Variants in LAD1 observed in about 807,000 individuals in gnomAD.
The protein encoded by LAD1 is ladinin 1.
A neutral mutation model predicts 54.2 loss-of-function variants in LAD1; 53 were observed. The ratio of observed to expected loss-of-function variants is 0.98; its 90% confidence interval spans 0.78 to 1.23. The LOEUF (loss-of-function observed/expected upper bound fraction) is 1.23. LAD1 is among the 50% of genes most tolerant of loss of function. LAD1 has a pLI of 0.00. For synonymous variants in LAD1, 231 were observed against 257.7 expected, an observed-to-expected ratio of 0.90 and a Z score of 0.99; for missense variants, 637 against 653.3, an observed-to-expected ratio of 0.98 and a Z score of 0.27.
At chr1:201,383,817 C>G (rs1662021233) in intron 5 of LAD1, among the ~76,000 whole-genome samples, 1 of 152,166 alleles carries the variant, frequency 6.6e-6, no homozygotes, top group South Asian at 2.1e-4. Context: ...ATACAAGGCT[C>G]TAGTGATCTG....
Position 201,382,282 on chromosome 1 carries a change from TC to T in LAD1, c.1517del (p.Gly506AspfsTer156), listed in dbSNP as rs1317035874. ...ASSATERTQW[G>X]QKSDSSLDAE... ...CGTCCAGCGAGGAGTCAGATTTCTG[TC>T]CCCACTGAGTCCTCTCGGTTGCAGA... On this transcript the variant is annotated frameshift_variant, in exon 9 of 10. Coordinates refer to ENST00000391967, the MANE Select transcript of LAD1 (RefSeq NM_005558.4). LOFTEE classifies it high-confidence loss of function. The T allele has an allele frequency of 6.2e-7, 1 of 1,613,626 alleles. No homozygotes were observed. The highest frequency in any genetic ancestry group is 1.1e-5 in the South Asian group (1 of 91,014).
chr1:201,394,256 G>C (rs932671127), intron 1 of LAD1, among the ~76,000 whole-genome samples: 3 of 152,166 alleles, frequency 2.0e-5, no homozygotes, highest in Admixed American at 6.5e-5. Context: ...CGCACAAAGG[G>C]GGAACAAAGC....
chr1:201,382,208 C>T lies in LAD1; in HGVS notation c.1548+44G>A, dbSNP rs199943144. ...GGACGATGGGGTCTCCCACAGTACA[C>T]CGTGGCCCTCCGCCGTAGGGCCAGG... On this transcript the variant is annotated intron_variant, in intron 9 of 9. Transcript: ENST00000391967. The T allele has an allele frequency of 1.5e-3, 2,270 of 1,499,596 alleles. 2 individuals are homozygous for T. Among genetic ancestry groups the T allele is most frequent in the Non-Finnish European group, 1.9e-3 (2,069 of 1,077,048 alleles). The allele number at this position is 1,499,596 out of a possible 1,614,324, so 92.9% of individuals were successfully genotyped here.
intron 1 of LAD1, among the ~76,000 whole-genome samples, chr1:201,396,079 G>A (rs755327787): frequency 2.6e-5 from 4 of 152,166 alleles, no homozygotes; most frequent in Non-Finnish European, 4.4e-5. Flanking sequence ...GGGAAACCCC[G>A]TGGCCCATGC....
chr1:201,391,269 C>T, intron 1 of LAD1: 1 of 404,226 alleles, frequency 2.5e-6, no homozygotes, highest in African/African-American at 2.1e-5. Context: ...TGGTTCCTGC[C>T]CCAGTCACCC....
In LAD1 at chr1:201,382,299, C is replaced by A. The variant is rs764119320; in HGVS notation, c.1501G>T (p.Glu501Ter). 3.1e-6 allele frequency: 5 copies of A among 1,613,776 alleles called. No homozygotes were observed. Among genetic ancestry groups the A allele is most frequent in the Non-Finnish European group, 4.2e-6 (5 of 1,179,896 alleles). ...QEAQKASSAT[E>*]RTQWGQKSDS... ...GATTTCTGTCCCCACTGAGTCCTCT[C>A]GGTTGCAGATGATGCTTTCTGTGCC... is the stretch of plus-strand genomic sequence containing the variant. The change falls in exon 9 of 10, where the codon GAG becomes TAG. Residue 501 changes from glutamate to a stop codon, truncating the protein, a stop_gained. Coordinates refer to ENST00000391967, the MANE Select transcript of LAD1 (RefSeq NM_005558.4). LOFTEE classifies it high-confidence loss of function.
intron 1 of LAD1, among the ~76,000 whole-genome samples, chr1:201,398,612 G>A (rs886542323): frequency 6.6e-6 from 1 of 152,214 alleles, no homozygotes; most frequent in African/African-American, 2.4e-5. Context: ...CTGATGGGAT[G>A]TCCAGCAGGC....
intron 1 of LAD1, among the ~76,000 whole-genome samples, chr1:201,393,002 G>C (rs1662222555): frequency 6.6e-6 from 1 of 152,154 alleles, no homozygotes; most frequent in African/African-American, 2.4e-5. Flanking sequence ...GGAGGAGGGA[G>C]AGGAAAAGAG....
At chr1:201,382,424 T>C in intron 8 of LAD1, 98 bp from the exon 9 acceptor site, 1 of 1,038,388 alleles carries the variant, frequency 9.6e-7, no homozygotes, top group Non-Finnish European at 1.5e-6. Flanking sequence ...ATGTCCTTTC[T>C]CTTCCCAAAA....
At chr1:201,397,034 A>G (rs1473002741) in intron 1 of LAD1, among the ~76,000 whole-genome samples, 1 of 152,276 alleles carries the variant, frequency 6.6e-6, no homozygotes, top group Non-Finnish European at 1.5e-5. Flanking sequence ...CAGGGCACCC[A>G]GCCAGCCAGC....
intron 5 of LAD1, 198 bp from the exon 6 acceptor site, chr1:201,383,587 A>T (rs1477835443): frequency 1.6e-6 from 1 of 624,976 alleles, no homozygotes; most frequent in African/African-American, 1.8e-5. Flanking sequence ...TCCACTTCCA[A>T]GAAACGTCCC....
In LAD1 at chr1:201,387,156, CT is replaced by C; in HGVS notation, c.204del (p.Glu69ArgfsTer54). ...ASERLPSVEEAEVPKPLPPAS... is the reference protein window; with the variant it reads ...ASERLPSVEEXEVPKPLPPAS... ...GCTGGGGGCAGTGGCTTGGGCACCT[CT>C]GCTTCTTCCACGCTCGGTAGTCTGA... On this transcript the variant is annotated frameshift_variant, in exon 3 of 10. Coordinates refer to ENST00000391967, the MANE Select transcript of LAD1 (RefSeq NM_005558.4). LOFTEE classifies it high-confidence loss of function. 1 of 1,523,208 alleles carries C rather than the reference CT, an allele frequency of 6.6e-7. No individual in the cohort carries two copies. Among genetic ancestry groups the C allele is most frequent in the Non-Finnish European group, 8.8e-7 (1 of 1,138,092 alleles). 94.4% of individuals were successfully genotyped at this position (1,523,208 alleles called of 1,614,324 possible).
At chr1:201,384,912 T>C in intron 4 of LAD1, 77 bp from the exon 5 acceptor site, 3 of 1,390,512 alleles carry the variant, frequency 2.2e-6, no homozygotes, top group Non-Finnish European at 3.1e-6. Context: ...GGAGCCCAGC[T>C]CTCAAGACAT....
intron 1 of LAD1, among the ~76,000 whole-genome samples, chr1:201,398,750 G>A (rs1420267483): frequency 6.6e-6 from 1 of 152,194 alleles, no homozygotes; most frequent in Non-Finnish European, 1.5e-5. Flanking sequence ...ATGCCATGCT[G>A]AGATTCTGAG....
chr1:201,387,287 G>A, intron 2 of LAD1, 109 bp from the exon 3 acceptor site: 1 of 1,254,624 alleles, frequency 8.0e-7, no homozygotes, highest in Non-Finnish European at 1.0e-6. Flanking sequence ...AGGTGAGGAT[G>A]TCAGGCCCTG....
At position 201,389,295 on chromosome 1, in the gene LAD1, C is replaced by A; in HGVS notation, c.47G>T (p.Arg16Leu). The change falls in exon 2 of 10, where the codon CGG becomes CTG. Residue 16 changes from arginine (R) to leucine (L), a missense_variant. Arg to Leu is a moderately radical substitution (Grantham distance 102, BLOSUM62 -2). Transcript: ENST00000391967. ...CTCCTCATCCTCCAGAGTCCTCTGC[C>A]GGGCAAGGCTGGGGGAGGGGAGGAG... ...KDWSALSSLA[R>L]QRTLEDEEEQ... is the part of the protein sequence containing the mutation. 1.2e-6 allele frequency: 2 copies of A among 1,612,492 alleles called. No homozygotes were observed. Among genetic ancestry groups the A allele is most frequent in the South Asian group, 1.1e-5 (1 of 91,046 alleles).
chr1:201,381,616 C>A lies in LAD1; in HGVS notation c.*272G>T. The A allele has an allele frequency of 1.8e-6, 1 of 562,250 alleles. No homozygotes were observed. The highest frequency in any genetic ancestry group is 3.2e-6 in the Non-Finnish European group (1 of 312,010). The allele number at this position is 562,250 out of a possible 1,614,324, so 34.8% of individuals were successfully genotyped here. A position where few individuals can be genotyped will look rare whatever the true frequency, so the allele number is the denominator to read the frequency against. ...ACATAGGCCCCATAGTGCTGATGTG[C>A]ACTTGTGCTGTGACCTGGGCAGAGA... On this transcript the variant is annotated 3_prime_UTR_variant, in exon 10 of 10. Transcript: ENST00000391967.
intron 1 of LAD1, among the ~76,000 whole-genome samples, chr1:201,389,624 G>C (rs1033900970): frequency 2.0e-5 from 3 of 151,104 alleles, no homozygotes; most frequent in African/African-American, 7.3e-5. Flanking sequence ...ACCAGCTTGA[G>C]CAACATGGCA....
At chr1:201,391,254 A>G in intron 1 of LAD1, 1 of 417,206 alleles carries the variant, frequency 2.4e-6, no homozygotes, top group Non-Finnish European at 4.7e-6. Context: ...CCCACACTCT[A>G]CTTTTGGTTC....
Sources: allele counts gnomAD v4.1 joint callset (sites outside exome capture counted in the v4.1 genomes callset), GRCh38; gene constraint gnomAD v4.1.1; transcripts MANE v1.5; gene names NCBI Gene and HGNC (gene_info 2026-07-23, HGNC 2026-07-21).